The following CDH20 variants were observed in gnomAD, a reference collection of about 807,000 sequenced individuals.
CDH20 encodes the protein cadherin 20, also known as cadherin-20.
CDH20 carries 29 observed loss-of-function variants against 74.2 expected under a neutral mutation model. The ratio of observed to expected loss-of-function variants is 0.39; its 90% CI spans 0.29 to 0.53. The LOEUF (loss-of-function observed/expected upper bound fraction) is 0.53, where lower values mean the gene tolerates loss of function less well. Among genes scored for constraint, CDH20 ranks in the 20% least tolerant of loss-of-function variants. The pLI is 0.69. For synonymous variants in CDH20, 469 were observed against 405.4 expected (o/e 1.16, Z -1.88); for missense variants, 988 against 1,048.3 (o/e 0.94, Z 0.79).
At chr18:61,472,537 C>G (rs62098127) in intron 1 of CDH20, among the ~76,000 whole-genome samples, 1 of 152,074 alleles carries the variant, frequency 6.6e-6, no homozygotes, top group Non-Finnish European at 1.5e-5. Context: ...GCAAAAATAG[C>G]GCACTCCGTG....
intron 1 of CDH20, among the ~76,000 whole-genome samples, chr18:61,447,592 T>G (rs1909244892): frequency 6.6e-6 from 1 of 152,172 alleles, no homozygotes; most frequent in Non-Finnish European, 1.5e-5. Flanking sequence ...CAATAAACAT[T>G]TATTAATTGC....
intron 6 of CDH20, among the ~76,000 whole-genome samples, chr18:61,508,622 C>CTGT (rs1911665948): frequency 6.6e-6 from 1 of 151,530 alleles, no homozygotes; most frequent in African/African-American, 2.4e-5. Context: ...AGATTGGAGA[C>CTGT]TATTATTATT....
intron 1 of CDH20, among the ~76,000 whole-genome samples, chr18:61,469,338 C>T (rs1599106201): frequency 6.6e-6 from 1 of 150,382 alleles, no homozygotes; most frequent in African/African-American, 2.4e-5. Flanking sequence ...CTGAGCAAAG[C>T]TTAACCCCAG....
chr18:61,474,117 C>A (rs1267375473), intron 1 of CDH20, among the ~76,000 whole-genome samples: 4 of 152,188 alleles, frequency 2.6e-5, no homozygotes, highest in Non-Finnish European at 5.9e-5. Context: ...GTCAGTGTTA[C>A]ACTTCCTCCC....
chr18:61,516,792 G>A (rs1283741147), intron 6 of CDH20, among the ~76,000 whole-genome samples: 1 of 152,106 alleles, frequency 6.6e-6, no homozygotes, highest in African/African-American at 2.4e-5. Context: ...GGAGGTGGGA[G>A]GATCTCTTAA....
Position 61,527,959 on chromosome 18 carries a change from C to T in CDH20, c.1018-8C>T, listed in dbSNP as rs1599148373. 4 of 1,613,544 alleles carry T rather than the reference C, an allele frequency of 2.5e-6. No homozygotes were observed. Among genetic ancestry groups the T allele is most frequent in the Non-Finnish European group, 3.4e-6 (4 of 1,179,720 alleles). On this transcript the variant is annotated splice_polypyrimidine_tract_variant and splice_region_variant and intron_variant, in intron 6 of 11. Transcript: ENST00000262717. ...TGGCGAATCAATTTTCCTGTCATTG[C>T]TTTTCAGCCCCTGAGTTTTGAAAGC... is the stretch of plus-strand genomic sequence containing the variant.
At chr18:61,446,643 C>A (rs534154548) in intron 1 of CDH20, among the ~76,000 whole-genome samples, 24 of 152,198 alleles carry the variant, frequency 1.6e-4, no homozygotes, top group African/African-American at 5.5e-4. Context: ...CTTCTAATCC[C>A]CCTAATTATC....
intron 10 of CDH20, among the ~76,000 whole-genome samples, chr18:61,547,104 G>A (rs537254149): frequency 6.6e-6 from 1 of 152,308 alleles, no homozygotes; most frequent in South Asian, 2.1e-4. Context: ...TGGGACAGGA[G>A]GGTCACCTGA....
At chr18:61,472,200 C>T (rs529086652) in intron 1 of CDH20, among the ~76,000 whole-genome samples, 15 of 152,190 alleles carry the variant, frequency 9.9e-5, no homozygotes, top group African/African-American at 3.4e-4. Flanking sequence ...TGCTGCTAAT[C>T]ACCTAACTTA....
chr18:61,482,147 T>A (rs1203121235), intron 1 of CDH20, among the ~76,000 whole-genome samples: 1 of 151,932 alleles, frequency 6.6e-6, no homozygotes, highest in Non-Finnish European at 1.5e-5. Context: ...AGGGGTGAGG[T>A]GTGCTCTAAG....
At position 61,525,431 on chromosome 18, in the gene CDH20, G is replaced by C. The variant is rs535385953; in HGVS notation, c.1018-2536G>C. The stretch of plus-strand genomic sequence containing the variant: ...AAGAGCGTATAAATGTAATTTACCA[G>C]GAAAGAAAAATGTTTCGATTTAGGG... On this transcript the variant is annotated intron_variant, in intron 6 of 11. Transcript: ENST00000262717. 7.2e-5 allele frequency among the ~76,000 whole-genome samples: 11 copies of C among 152,202 alleles called. No homozygotes were observed. The East Asian group carries it at 1.7e-3, about 24-fold the overall frequency.
At chr18:61,479,273 T>G (rs1002052100) in intron 1 of CDH20, among the ~76,000 whole-genome samples, 3 of 152,136 alleles carry the variant, frequency 2.0e-5, no homozygotes, top group Non-Finnish European at 4.4e-5. Context: ...AACCATCCCC[T>G]GCTCCAACCT....
At chr18:61,460,250 G>A (rs940798223) in intron 1 of CDH20, among the ~76,000 whole-genome samples, 3 of 152,034 alleles carry the variant, frequency 2.0e-5, no homozygotes, top group African/African-American at 7.2e-5. Flanking sequence ...TGTTTAGGGG[G>A]GAAAAAATAA....
chr18:61,534,298 A>G (rs1219778487), intron 7 of CDH20, among the ~76,000 whole-genome samples: 1 of 152,246 alleles, frequency 6.6e-6, no homozygotes, highest in Non-Finnish European at 1.5e-5. Flanking sequence ...ATGTTAGTAC[A>G]GCCATTGTAG....
At chr18:61,352,294 C>T (rs1910330675) in intron 1 of CDH20, among the ~76,000 whole-genome samples, 1 of 152,172 alleles carries the variant, frequency 6.6e-6, no homozygotes, top group East Asian at 1.9e-4. Flanking sequence ...TTGAGAGGAG[C>T]ATAAAAGGAA....
chr18:61,482,920 TC>T (rs1257535722), intron 1 of CDH20, among the ~76,000 whole-genome samples: 1 of 152,202 alleles, frequency 6.6e-6, no homozygotes, highest in Non-Finnish European at 1.5e-5. Context: ...ATTTCCTGCC[TC>T]CCTCATCCCT....
At position 61,434,495 on chromosome 18, in the gene CDH20, G is replaced by A. The variant is rs554474650; in HGVS notation, c.-152-55907G>A. Among the ~76,000 whole-genome samples the A allele has an allele frequency of 5.3e-5, 8 of 152,196 alleles. No individual in the cohort carries two copies. The East Asian group carries it at 1.5e-3, about 29-fold the overall frequency. On this transcript the variant is annotated intron_variant, in intron 1 of 11. Coordinates refer to ENST00000262717, the MANE Select transcript of CDH20 (RefSeq NM_031891.4). The stretch of plus-strand genomic sequence containing the variant: ...TGGTAACCTCACTTTATCACCTCAG[G>A]CCCTGTAAGGGAGCTATTATAATTA...
Position 61,481,458 on chromosome 18 carries a change from C to T in CDH20, c.-152-8944C>T, listed in dbSNP as rs559927394. 1.4e-3 allele frequency among the ~76,000 whole-genome samples: 208 copies of T among 152,232 alleles called. 1 individual carries two copies. The highest frequency in any genetic ancestry group is 2.3e-3 in the Non-Finnish European group (159 of 68,012). Reference sequence around the variant, plus strand: ...TGGAATTGGTCTTAAACCGCGATGTCCTGATTCCAAATGATACACTATGTT... The same window carrying T: ...TGGAATTGGTCTTAAACCGCGATGTTCTGATTCCAAATGATACACTATGTT... On this transcript the variant is annotated intron_variant, in intron 1 of 11. Transcript: ENST00000262717.
chr18:61,402,949 A>T lies in CDH20; in HGVS notation c.-153+69122A>T, dbSNP rs564606977. ...GCAGCTTTCTGTATATTAAAGTCCT[A>T]ACCCTTGTGAAATAAATATTTCTCC... On this transcript the variant is annotated intron_variant, in intron 1 of 11. Transcript: ENST00000262717. 7.9e-5 allele frequency among the ~76,000 whole-genome samples: 12 copies of T among 152,308 alleles called. No homozygotes were observed. In the South Asian group the frequency reaches 2.5e-3, roughly 32 times the overall value.
Sources: gnomAD v4.1 joint callset for allele counts (sites outside exome capture counted in the v4.1 genomes callset) on GRCh38, gnomAD v4.1.1 for gene constraint, MANE v1.5 for transcripts, NCBI Gene and HGNC (gene_info 2026-07-23, HGNC 2026-07-21) for gene names.